The following CSMD1 variants were observed in gnomAD, a reference collection of about 807,000 sequenced individuals.
The protein encoded by CSMD1 is CUB and sushi domain-containing protein 1.
A neutral mutation model predicts 417.5 loss-of-function variants in CSMD1; 213 were observed. That is an observed-to-expected ratio of 0.51 (90% CI 0.46 to 0.57). The LOEUF is 0.57. Among genes scored for constraint, CSMD1 ranks in the 20% least tolerant of loss-of-function variants. The pLI is 0.00. For missense variants in CSMD1, 6,923 were observed against 4,529.7 expected (o/e 1.53, Z -15.17); for synonymous variants, 2,862 against 1,736.8 (o/e 1.65, Z -16.11).
chr8:3,649,603 C>T (rs1313384153), intron 7 of CSMD1, among the ~76,000 whole-genome samples: 8 of 151,782 alleles, frequency 5.3e-5, no homozygotes, highest in African/African-American at 1.9e-4. Context: ...ACCAGTAGAT[C>T]TTATGAGAAC....
At chr8:3,202,949 G>A (rs73660611) in intron 31 of CSMD1, among the ~76,000 whole-genome samples, 1 of 152,048 alleles carries the variant, frequency 6.6e-6, no homozygotes, top group Admixed American at 6.6e-5. Context: ...GAGAGGGAGA[G>A]GACTTAATAA....
rs577237064 is a variant in CSMD1, at chr8:4,348,087, C to T, written c.415+71866G>A. ...ACCAGGCAAAAACAAACCAGTGGCCCAGGAAAAGTGAATGCTTGGCTAACT... is the reference window on the plus strand; with the variant it reads ...ACCAGGCAAAAACAAACCAGTGGCCTAGGAAAAGTGAATGCTTGGCTAACT... On this transcript the variant is annotated intron_variant, in intron 3 of 69. Coordinates refer to ENST00000635120, the MANE Select transcript of CSMD1 (RefSeq NM_033225.6). Among the ~76,000 whole-genome samples, 62 of 152,184 alleles carry T rather than the reference C, an allele frequency of 4.1e-4. 1 individual carries two copies. The South Asian group carries it at 8.5e-3, about 21-fold the overall frequency.
intron 1 of CSMD1, among the ~76,000 whole-genome samples, chr8:4,809,401 T>G (rs919655771): frequency 6.6e-6 from 1 of 152,112 alleles, no homozygotes; most frequent in Non-Finnish European, 1.5e-5. Context: ...TTTTAAGCAG[T>G]AAGGAGTATA....
chr8:4,155,247 G>A (rs1479847475), intron 3 of CSMD1, among the ~76,000 whole-genome samples: 1 of 152,192 alleles, frequency 6.6e-6, no homozygotes, highest in Non-Finnish European at 1.5e-5. Context: ...TTGAAAAGGG[G>A]CAGCAGAGAG....
intron 1 of CSMD1, among the ~76,000 whole-genome samples, chr8:4,850,380 A>ATATTT (rs1403352847): frequency 7.1e-4 from 59 of 82,742 alleles, no homozygotes; most frequent in Non-Finnish European, 8.4e-4. Flanking sequence ...AATCCAATTT[A>ATATTT]TCTTTTTTTT....
rs570560125 is a variant in CSMD1 at position 4,913,103 on chromosome 8, T to TA, written c.85+81228dup. ...CACAAGTGGCCAGCACCAGCTGCTT[T>TA]AAAAAAAATCGTGAGGGATCACAGA... On this transcript the variant is annotated intron_variant, in intron 1 of 69. Coordinates refer to ENST00000635120, the MANE Select transcript of CSMD1 (RefSeq NM_033225.6). 4.4e-3 allele frequency among the ~76,000 whole-genome samples: 669 copies of TA among 152,060 alleles called. 1 individual carries two copies. The highest frequency in any genetic ancestry group is 0.015 in the African/African-American group (616 of 41,494).
intron 1 of CSMD1, among the ~76,000 whole-genome samples, chr8:4,937,995 C>T (rs1201760743): frequency 1.3e-5 from 2 of 152,124 alleles, no homozygotes; most frequent in African/African-American, 4.8e-5. Flanking sequence ...CTTTGTGACT[C>T]ATCCTCCCTC....
At position 4,032,122 on chromosome 8, in the gene CSMD1, G is replaced by T. The variant is rs747138098; in HGVS notation, c.416-23C>A. The T allele has an allele frequency of 2.6e-6, 4 of 1,554,798 alleles. No individual in the cohort carries two copies. The African/African-American group carries it at 4.1e-5, about 16-fold the overall frequency. On this transcript the variant is annotated intron_variant, in intron 3 of 69. Coordinates refer to ENST00000635120, the MANE Select transcript of CSMD1 (RefSeq NM_033225.6). ...AAACTATTGGAAAAAGAAAAGAAAG[G>T]AGAAAAAACAAGTTAAATTTTCCAT...
intron 6 of CSMD1, among the ~76,000 whole-genome samples, chr8:3,730,224 C>A (rs191461203): frequency 6.6e-6 from 1 of 152,008 alleles, no homozygotes. Context: ...AGTTTGATTC[C>A]CCATATGGTT....
At chr8:3,777,341 C>A (rs551340916) in intron 5 of CSMD1, among the ~76,000 whole-genome samples, 4 of 152,142 alleles carry the variant, frequency 2.6e-5, no homozygotes, top group Admixed American at 2.6e-4. Flanking sequence ...ACACAGTGCT[C>A]CAGACAGCAG....
At chr8:3,848,297 C>A (rs1029016955) in intron 5 of CSMD1, among the ~76,000 whole-genome samples, 1 of 152,066 alleles carries the variant, frequency 6.6e-6, no homozygotes, top group Admixed American at 6.6e-5. Flanking sequence ...CATTCTACTG[C>A]GATCCCACTA....
chr8:4,009,010 C>A (rs765581228), intron 4 of CSMD1, among the ~76,000 whole-genome samples: 1 of 151,986 alleles, frequency 6.6e-6, no homozygotes, highest in Non-Finnish European at 1.5e-5. Flanking sequence ...GTGCCCATAC[C>A]GAATTTCCAT....
At chr8:2,953,576 A>T (rs1396819496) in intron 65 of CSMD1, among the ~76,000 whole-genome samples, 3 of 152,162 alleles carry the variant, frequency 2.0e-5, no homozygotes, top group Admixed American at 6.5e-5. Context: ...TTAAATTAAT[A>T]TAATTTGGGA....
chr8:3,567,891 C>G (rs982509324), intron 10 of CSMD1, among the ~76,000 whole-genome samples: 3 of 152,140 alleles, frequency 2.0e-5, no homozygotes, highest in African/African-American at 7.2e-5. Flanking sequence ...CACTCTCCTT[C>G]TTCCTTCCAC....
At chr8:3,206,417 GTGTA>G (rs1295078042) in intron 30 of CSMD1, among the ~76,000 whole-genome samples, 88 of 129,580 alleles carry the variant, frequency 6.8e-4, no homozygotes, top group Admixed American at 4.7e-3. Flanking sequence ...ATGTCTGTGT[GTGTA>G]TGTGTGTGTG....
chr8:4,873,190 A>T (rs73503880), intron 1 of CSMD1, among the ~76,000 whole-genome samples: 113 of 152,248 alleles, frequency 7.4e-4, no homozygotes, highest in Middle Eastern at 3.4e-3. Flanking sequence ...GGTGGCAACA[A>T]TGAGTAATCT....
chr8:3,551,007 G>C (rs1028475187), intron 10 of CSMD1, among the ~76,000 whole-genome samples: 10 of 152,206 alleles, frequency 6.6e-5, no homozygotes, highest in Admixed American at 3.3e-4. Context: ...AAACTCTCCA[G>C]CAATGCATTA....
At chr8:3,945,845 G>A (rs1458262931) in intron 5 of CSMD1, among the ~76,000 whole-genome samples, 1 of 152,084 alleles carries the variant, frequency 6.6e-6, no homozygotes, top group South Asian at 2.1e-4. Context: ...GGTAAATATT[G>A]ATTGTAGTGA....
In CSMD1 at chr8:3,802,864, A is replaced by G. The variant is rs550457054; in HGVS notation, c.819-48822T>C. Among the ~76,000 whole-genome samples the G allele has an allele frequency of 3.5e-4, 53 of 152,304 alleles. 1 individual carries two copies. The South Asian group carries it at 7.5e-3, about 21-fold the overall frequency. On this transcript the variant is annotated intron_variant, in intron 5 of 69. Transcript: ENST00000635120. ...TTTAAGCATCCGCACTGGCCCTTAG[A>G]TGATGTGGTCTTTAAAAAGAATAGT...
Sources: allele counts gnomAD v4.1 joint callset (sites outside exome capture counted in the v4.1 genomes callset), GRCh38; gene constraint gnomAD v4.1.1; transcripts MANE v1.5; gene names NCBI Gene and HGNC (gene_info 2026-07-23, HGNC 2026-07-21).